Variants in RSU1 observed in about 807,000 individuals in gnomAD.
RSU1 encodes the protein Ras suppressor protein 1.
In RSU1, 26 loss-of-function variants were observed where a neutral mutation model predicts 31.1. The ratio of observed to expected loss-of-function variants is 0.84; its 90% CI spans 0.61 to 1.16. RSU1 has a LOEUF of 1.16. Ranked by LOEUF, RSU1 falls within the 50% of genes most tolerant of loss-of-function variation. The probability of loss-of-function intolerance (pLI) is 0.00; values close to 1 mark genes in which losing one functional copy is unlikely to be tolerated. For missense variants in RSU1, 320 were observed against 339.1 expected, an observed-to-expected ratio of 0.94 and a Z score of 0.44; for synonymous variants, 164 against 136.3, an observed-to-expected ratio of 1.20 and a Z score of -1.41.
chr10:16,739,069 C>T (rs1588504661), intron 7 of RSU1, among the ~76,000 whole-genome samples: 1 of 152,254 alleles, frequency 6.6e-6, no homozygotes, highest in South Asian at 2.1e-4. Context: ...GCATAGTATT[C>T]CATGGTGTAT....
At chr10:16,812,799 T>G (rs995142622) in intron 2 of RSU1, among the ~76,000 whole-genome samples, 3 of 151,708 alleles carry the variant, frequency 2.0e-5, no homozygotes, top group African/African-American at 7.3e-5. Context: ...ATAAGAGAAA[T>G]GAAAGAAAGT....
intron 8 of RSU1, among the ~76,000 whole-genome samples, chr10:16,678,081 T>C (rs1251490318): frequency 1.3e-5 from 2 of 152,208 alleles, no homozygotes; most frequent in African/African-American, 4.8e-5. Flanking sequence ...AGATCCATTC[T>C]TCCTTATTTC....
intron 7 of RSU1, among the ~76,000 whole-genome samples, chr10:16,728,168 T>C (rs1836435050): frequency 6.6e-6 from 1 of 152,170 alleles, no homozygotes. Context: ...TACTTGGGTA[T>C]AAAATAATGA....
intron 2 of RSU1, among the ~76,000 whole-genome samples, chr10:16,815,044 C>T (rs1483973720): frequency 6.6e-6 from 1 of 152,244 alleles, no homozygotes; most frequent in African/African-American, 2.4e-5. Context: ...AAGGTTCCCG[C>T]TATGCATCAT....
At position 16,763,431 on chromosome 10, in the gene RSU1, T is replaced by C. The variant is rs188619222; in HGVS notation, c.281+959A>G. Among the ~76,000 whole-genome samples the C allele has an allele frequency of 7.3e-3, 1,099 of 150,922 alleles. 9 individuals are homozygous for C. The highest frequency in any genetic ancestry group is 0.011 in the Non-Finnish European group (760 of 67,778). ...GAGCAAGACAGCACAAGGGGGGAGG[T>C]GCTACGCACTTTTAAACAACCAGGT... is the stretch of plus-strand genomic sequence containing the variant. On this transcript the variant is annotated intron_variant, in intron 4 of 8. Transcript: ENST00000345264.
chr10:16,816,694 C>G lies in RSU1; in HGVS notation c.109+279G>C, dbSNP rs539177911. Among the ~76,000 whole-genome samples the G allele has an allele frequency of 2.6e-5, 4 of 152,324 alleles. No homozygotes were observed. The South Asian group carries it at 6.2e-4, about 24-fold the overall frequency. ...ATTTATAATTAAAGTGACTATTAAG[C>G]AAACTGTGGAAAATCCACCTCAATG... is the stretch of plus-strand genomic sequence containing the variant. On this transcript the variant is annotated intron_variant, in intron 2 of 8. Coordinates refer to ENST00000345264, the MANE Select transcript of RSU1 (RefSeq NM_012425.4).
At chr10:16,657,753 G>A (rs1834813518) in intron 8 of RSU1, among the ~76,000 whole-genome samples, 1 of 152,172 alleles carries the variant, frequency 6.6e-6, no homozygotes, top group South Asian at 2.1e-4. Context: ...AGCACTTTGG[G>A]AGGCTGAGGC....
chr10:16,603,676 C>T (rs1056592245), intron 8 of RSU1, among the ~76,000 whole-genome samples: 2 of 152,184 alleles, frequency 1.3e-5, no homozygotes, highest in African/African-American at 4.8e-5. Context: ...CCAGAATAAA[C>T]TCAAAGGCAA....
At chr10:16,762,456 G>T (rs1455056196) in intron 4 of RSU1, among the ~76,000 whole-genome samples, 1 of 151,226 alleles carries the variant, frequency 6.6e-6, no homozygotes, top group East Asian at 1.9e-4. Flanking sequence ...GATATAAATG[G>T]AGCATCTTTT....
intron 8 of RSU1, among the ~76,000 whole-genome samples, chr10:16,619,029 G>C (rs1834026971): frequency 6.6e-6 from 1 of 152,128 alleles, no homozygotes; most frequent in Non-Finnish European, 1.5e-5. Flanking sequence ...CTACCTAATA[G>C]AGTAGTTATG....
rs369714935 is a variant in RSU1, at chr10:16,669,083, T to C, written c.731+25940A>G. ...TGCAGTCTATTACAAAGAGTCTTTG[T>C]AAGTTTCTGTTAAGAGGAACATTTA... On this transcript the variant is annotated intron_variant, in intron 8 of 8. Transcript: ENST00000345264. Among the ~76,000 whole-genome samples the C allele has an allele frequency of 6.6e-5, 10 of 151,340 alleles. No homozygotes were observed. The East Asian group carries it at 1.9e-3, about 29-fold the overall frequency.
At chr10:16,689,446 T>C (rs902892519) in intron 8 of RSU1, among the ~76,000 whole-genome samples, 1 of 152,336 alleles carries the variant, frequency 6.6e-6, no homozygotes, top group Admixed American at 6.5e-5. Flanking sequence ...CTAGAGGATA[T>C]AGTAGTTGTT....
At chr10:16,709,444 C>T (rs377578005) in intron 7 of RSU1, among the ~76,000 whole-genome samples, 8,214 of 151,994 alleles carry the variant, frequency 0.054, 372 homozygotes, top group African/African-American at 0.13. Context: ...TGAATAGTGC[C>T]GCAATAAACA....
chr10:16,617,064 G>A (rs539942181), intron 8 of RSU1, among the ~76,000 whole-genome samples: 51 of 152,294 alleles, frequency 3.3e-4, no homozygotes, highest in African/African-American at 1.1e-3. Flanking sequence ...TGCAGATGAC[G>A]TGATTGCATA....
At chr10:16,636,591 GTCACTC>G (rs1834348305) in intron 8 of RSU1, among the ~76,000 whole-genome samples, 1 of 152,056 alleles carries the variant, frequency 6.6e-6, no homozygotes, top group African/African-American at 2.4e-5. Flanking sequence ...CTCTGATCTT[GTCACTC>G]TTTTGCTTAA....
chr10:16,805,051 A>AT (rs1171071305), intron 2 of RSU1, among the ~76,000 whole-genome samples: 1 of 152,066 alleles, frequency 6.6e-6, no homozygotes, highest in Admixed American at 6.6e-5. Flanking sequence ...TTAAAAAAAA[A>AT]TTTGCCGGGT....
chr10:16,814,605 A>G (rs966381976), intron 2 of RSU1, among the ~76,000 whole-genome samples: 9 of 152,086 alleles, frequency 5.9e-5, no homozygotes, highest in African/African-American at 2.2e-4. Context: ...GCATCCTGGA[A>G]CCCCCTAGGC....
At chr10:16,641,276 G>A (rs1834437224) in intron 8 of RSU1, among the ~76,000 whole-genome samples, 1 of 152,046 alleles carries the variant, frequency 6.6e-6, no homozygotes, top group Admixed American at 6.5e-5. Context: ...AAAGCAGATT[G>A]AAGACTTTAA....
chr10:16,814,658 T>G (rs1838488932), intron 2 of RSU1, among the ~76,000 whole-genome samples: 1 of 152,134 alleles, frequency 6.6e-6, no homozygotes, highest in Non-Finnish European at 1.5e-5. Context: ...AGAGCAGCCT[T>G]GGCTCAATGC....
Sources: gnomAD v4.1 joint callset for allele counts (sites outside exome capture counted in the v4.1 genomes callset) on GRCh38, gnomAD v4.1.1 for gene constraint, MANE v1.5 for transcripts, NCBI Gene and HGNC (gene_info 2026-07-23, HGNC 2026-07-21) for gene names.